The following CFAP206 variants were observed in gnomAD, a reference collection of about 807,000 sequenced individuals.
CFAP206 encodes the protein cilia- and flagella-associated protein 206.
Under a neutral mutation model 65.4 loss-of-function variants are expected in CFAP206, and 53 were observed. The ratio of observed to expected loss-of-function variants is 0.81; its 90% CI spans 0.65 to 1.02. CFAP206 has a LOEUF of 1.02. Among genes scored for constraint, CFAP206 ranks in the 50% least tolerant of loss-of-function variants. The pLI is 0.00. For synonymous variants in CFAP206, 250 were observed against 254.4 expected (o/e 0.98, Z 0.17); for missense variants, 663 against 753.2 (o/e 0.88, Z 1.40).
intron 9 of CFAP206, 85 bp downstream of exon 9, chr6:87,428,909 C>A: frequency 7.8e-7 from 1 of 1,284,130 alleles, no homozygotes; most frequent in Non-Finnish European, 1.1e-6. Flanking sequence ...AATTTCATAT[C>A]TTTCTGATAA....
At position 87,464,168 on chromosome 6, in the gene CFAP206, A is replaced by T; in HGVS notation, c.1787A>T (p.Tyr596Phe). 4 of 1,614,226 alleles carry T rather than the reference A, an allele frequency of 2.5e-6. No homozygotes were observed. The highest frequency in any genetic ancestry group is 3.4e-6 in the Non-Finnish European group (4 of 1,180,028). ...ACTGGGGTGCCCAGGCCTCAGATTT[A>T]CTTGGCTGGTCTTCGTGGAGGAAAG... ...DSTGVPRPQI[Y>F]LAGLRGGKSE... Residue 596 changes from tyrosine (Y) to phenylalanine (F), a missense_variant, in exon 13 of 13, where the codon TAC (tyrosine) becomes TTC (phenylalanine). Physicochemically the swap from Tyr to Phe is conservative, Grantham distance 22. Coordinates refer to ENST00000369562, the MANE Select transcript of CFAP206 (RefSeq NM_001031743.3).
At chr6:87,455,383 A>C (rs1033240768) in intron 11 of CFAP206, among the ~76,000 whole-genome samples, 1 of 152,210 alleles carries the variant, frequency 6.6e-6, no homozygotes, top group Non-Finnish European at 1.5e-5. Context: ...AGCAATAACT[A>C]TCTACATGAA....
intron 5 of CFAP206, among the ~76,000 whole-genome samples, 161 bp from the exon 6 acceptor site, chr6:87,416,508 A>T (rs967292536): frequency 6.6e-6 from 1 of 152,220 alleles, no homozygotes; most frequent in Non-Finnish European, 1.5e-5. Context: ...TTGATGCGTG[A>T]TAAGTTTTAT....
intron 4 of CFAP206, 42 bp downstream of exon 4, chr6:87,413,942 C>A: frequency 9.9e-7 from 1 of 1,008,086 alleles, no homozygotes; most frequent in Non-Finnish European, 1.4e-6. Context: ...AAATTTCATA[C>A]TGTGTTTCAG....
Position 87,434,844 on chromosome 6 carries a change from CTTTT to C in CFAP206, c.1301-12_1301-9del. ...TGATCAAGACATTTCATATCTAATT[CTTTT>C]TTTATTTTCAGGAAATCCAGCAATT... On this transcript the variant is annotated splice_polypyrimidine_tract_variant and intron_variant, in intron 10 of 12. Coordinates refer to ENST00000369562, the MANE Select transcript of CFAP206 (RefSeq NM_001031743.3). 1 of 1,258,554 alleles carries C rather than the reference CTTTT, an allele frequency of 7.9e-7. No individual in the cohort carries two copies. Among genetic ancestry groups the C allele is most frequent in the African/African-American group, 1.5e-5 (1 of 65,446 alleles). The allele number at this position is 1,258,554 out of a possible 1,614,324, so 78.0% of individuals were successfully genotyped here.
Position 87,418,335 on chromosome 6 carries a change from G to C in CFAP206, c.759G>C (p.Met253Ile), listed in dbSNP as rs1449879546. 6.2e-7 allele frequency: 1 copy of C among 1,613,992 alleles called. No individual in the cohort carries two copies. Among genetic ancestry groups the C allele is most frequent in the Non-Finnish European group, 8.5e-7 (1 of 1,180,028 alleles). Residue 253 changes from methionine to isoleucine, a missense_variant, in exon 7 of 13, where the codon ATG becomes ATC. Met to Ile is a conservative substitution (Grantham distance 10). Coordinates refer to ENST00000369562, the MANE Select transcript of CFAP206 (RefSeq NM_001031743.3). Reference sequence around the variant, plus strand: ...AGAAGGCAGCCAACGACCCACTCATGAGGGCTGAACTTCAGCCATATATGT... The same window carrying C: ...AGAAGGCAGCCAACGACCCACTCATCAGGGCTGAACTTCAGCCATATATGT... ...ILEKAANDPLMRAELQPYMLK... is the reference protein window; with the variant it reads ...ILEKAANDPLIRAELQPYMLK...
At chr6:87,425,528 A>G (rs906628153) in intron 7 of CFAP206, among the ~76,000 whole-genome samples, 1 of 152,242 alleles carries the variant, frequency 6.6e-6, no homozygotes. Flanking sequence ...AAGGAAATAA[A>G]TGGTTTACAA....
At chr6:87,431,213 T>G (rs748727379) in intron 10 of CFAP206, 40 bp downstream of exon 10, 2 of 1,582,468 alleles carry the variant, frequency 1.3e-6, no homozygotes, top group Non-Finnish European at 1.7e-6. Flanking sequence ...TTTCCCCGAT[T>G]TTTTCTTTAT....
chr6:87,433,245 T>C (rs946591950), intron 10 of CFAP206, among the ~76,000 whole-genome samples: 2 of 152,210 alleles, frequency 1.3e-5, no homozygotes, highest in Admixed American at 1.3e-4. Flanking sequence ...GCTTTATTAT[T>C]TTTTTCATGT....
At position 87,464,045 on chromosome 6, in the gene CFAP206, A is replaced by C; in HGVS notation, c.1664A>C (p.His555Pro). The C allele has an allele frequency of 1.2e-6, 2 of 1,612,794 alleles. No homozygotes were observed. The highest frequency in any genetic ancestry group is 1.7e-6 in the Non-Finnish European group (2 of 1,179,082). The part of the protein sequence containing the change: ...KLANLRQKVT[H>P]SVQTDLSHLR... ...GCTAATTTGCGCCAGAAAGTTACTC[A>C]CTCAGTACAAACTGATCTTAGTCAC... The change falls in exon 13 of 13, where the codon CAC (histidine) becomes CCC (proline). Residue 555 changes from histidine (H) to proline (P), a missense_variant. Coordinates refer to ENST00000369562, the MANE Select transcript of CFAP206 (RefSeq NM_001031743.3).
At chr6:87,426,176 C>T in intron 7 of CFAP206, 1 of 153,206 alleles carries the variant, frequency 6.5e-6, no homozygotes, top group East Asian at 1.9e-4. Flanking sequence ...AGAGGAACCC[C>T]TAATTAATTT....
At chr6:87,426,384 T>C in intron 7 of CFAP206, 142 bp from the exon 8 acceptor site, 1 of 491,894 alleles carries the variant, frequency 2.0e-6, no homozygotes. Flanking sequence ...GTTCTAGGTG[T>C]TGAGGATCTT....
chr6:87,434,270 C>T (rs1562247918), intron 10 of CFAP206, among the ~76,000 whole-genome samples: 4 of 151,974 alleles, frequency 2.6e-5, no homozygotes, highest in Non-Finnish European at 5.9e-5. Flanking sequence ...GAGACACATG[C>T]CTGTAGTCCC....
intron 6 of CFAP206, 131 bp downstream of exon 6, chr6:87,416,958 A>T: frequency 1.3e-6 from 1 of 757,888 alleles, no homozygotes; most frequent in Non-Finnish European, 2.1e-6. Flanking sequence ...CTGTTTCCTT[A>T]AGAATAACTA....
At position 87,413,893 on chromosome 6, in the gene CFAP206, G is replaced by A. The variant is rs188721494; in HGVS notation, c.276G>A (p.Thr92=). Residue 92 remains threonine (T), a synonymous_variant, in exon 4 of 13, where the codon ACG becomes ACA. Coordinates refer to ENST00000369562, the MANE Select transcript of CFAP206 (RefSeq NM_001031743.3). ...AAGTCTACTTCGATATGAATTATACGAATCGAGGTAATGTATACTACCTAT... is the reference window on the plus strand; with the variant it reads ...AAGTCTACTTCGATATGAATTATACAAATCGAGGTAATGTATACTACCTAT... ...KMQVYFDMNY[T]NRVEFLEEHH... 8 of 1,520,006 alleles carry A rather than the reference G, an allele frequency of 5.3e-6. No individual in the cohort carries two copies. The East Asian group carries it at 7.5e-5, about 14-fold the overall frequency. 94.2% of individuals were successfully genotyped at this position (1,520,006 alleles called of 1,614,324 possible).
chr6:87,419,620 T>C (rs1562244537), intron 7 of CFAP206, among the ~76,000 whole-genome samples: 1 of 152,214 alleles, frequency 6.6e-6, no homozygotes, highest in Non-Finnish European at 1.5e-5. Flanking sequence ...AACTGTCTTT[T>C]GTATGAGTGA....
At chr6:87,422,375 G>A (rs960401660) in intron 7 of CFAP206, among the ~76,000 whole-genome samples, 21 of 150,742 alleles carry the variant, frequency 1.4e-4, no homozygotes, top group African/African-American at 3.2e-4. Flanking sequence ...TCTTGAATCC[G>A]GGAGGCAGAG....
chr6:87,417,436 T>G (rs924331732), intron 6 of CFAP206, among the ~76,000 whole-genome samples: 3 of 152,106 alleles, frequency 2.0e-5, no homozygotes, highest in Non-Finnish European at 4.4e-5. Context: ...AAAGGGTAAT[T>G]TTTTCTATTT....
At chr6:87,462,194 T>C (rs1001881059) in intron 12 of CFAP206, among the ~76,000 whole-genome samples, 4 of 152,220 alleles carry the variant, frequency 2.6e-5, no homozygotes, top group Admixed American at 2.6e-4. Flanking sequence ...AGTTCTATTG[T>C]CATATATGGT....
Sources: gnomAD v4.1 joint callset for allele counts (sites outside exome capture counted in the v4.1 genomes callset) on GRCh38, gnomAD v4.1.1 for gene constraint, MANE v1.5 for transcripts, NCBI Gene and HGNC (gene_info 2026-07-23, HGNC 2026-07-21) for gene names.